SCUBE1: variants seen among roughly 807,000 people sequenced by gnomAD.
The protein encoded by SCUBE1 is signal peptide, CUB and EGF-like domain-containing protein 1.
Under a neutral mutation model 124.4 loss-of-function variants are expected in SCUBE1, and 59 were observed. The observed-to-expected ratio is 0.47, with a 90% CI of 0.38 to 0.59. SCUBE1 has a LOEUF of 0.59. SCUBE1 is among the 20% of genes least tolerant of loss of function. The pLI, the probability that SCUBE1 is intolerant of heterozygous loss-of-function variation, is 0.00. For synonymous variants in SCUBE1, 545 were observed against 550.9 expected, an observed-to-expected ratio of 0.99 and a Z score of 0.15; for missense variants, 1,150 against 1,371.2, an observed-to-expected ratio of 0.84 and a Z score of 2.55.
At chr22:43,341,228 C>T (rs1484355091) in intron 1 of SCUBE1, among the ~76,000 whole-genome samples, 1 of 151,166 alleles carries the variant, frequency 6.6e-6, no homozygotes, top group Non-Finnish European at 1.5e-5. Flanking sequence ...GACAAGGAGG[C>T]AGGAACTGGA....
chr22:43,266,962 TG>T (rs1273747309), intron 4 of SCUBE1, among the ~76,000 whole-genome samples: 1 of 152,160 alleles, frequency 6.6e-6, no homozygotes, highest in Non-Finnish European at 1.5e-5. Flanking sequence ...CAGCACAGGA[TG>T]TCTGTTTTCT....
chr22:43,212,383 G>A (rs1289826957), intron 17 of SCUBE1, 42 bp downstream of exon 17: 2 of 1,538,926 alleles, frequency 1.3e-6, no homozygotes, highest in Admixed American at 3.9e-5. Flanking sequence ...GTGCAGCCCT[G>A]CCTCTCGGGG....
intron 16 of SCUBE1, 80 bp downstream of exon 16, chr22:43,214,010 C>G (rs915511579): frequency 1.5e-6 from 2 of 1,310,902 alleles, no homozygotes; most frequent in Admixed American, 5.0e-5. Context: ...CCTGGGCCTT[C>G]GACAGGAGGG....
At chr22:43,288,463 C>A (rs1444442267) in intron 4 of SCUBE1, among the ~76,000 whole-genome samples, 1 of 152,222 alleles carries the variant, frequency 6.6e-6, no homozygotes, top group African/African-American at 2.4e-5. Flanking sequence ...CACCAGGCCC[C>A]ATGTTGTCCA....
intron 14 of SCUBE1, among the ~76,000 whole-genome samples, chr22:43,219,727 GC>G (rs570243113): frequency 7.3e-4 from 111 of 152,196 alleles, no homozygotes; most frequent in Middle Eastern, 3.4e-3. Flanking sequence ...ACCCACTTTG[GC>G]CCTCCCAGAC....
intron 4 of SCUBE1, among the ~76,000 whole-genome samples, chr22:43,274,729 G>A (rs1433175566): frequency 6.6e-6 from 1 of 152,202 alleles, no homozygotes; most frequent in East Asian, 1.9e-4. Context: ...CCCAGCCAGT[G>A]ACTCTCCACC....
intron 6 of SCUBE1, among the ~76,000 whole-genome samples, chr22:43,243,015 C>T (rs1923068514): frequency 6.6e-6 from 1 of 152,226 alleles, no homozygotes; most frequent in African/African-American, 2.4e-5. Flanking sequence ...TTGCCTTGTT[C>T]AAAAATTGCT....
In SCUBE1 at chr22:43,204,240, G is replaced by A. The variant is rs150085224; in HGVS notation, c.2815-91C>T. On this transcript the variant is annotated intron_variant, in intron 21 of 21. Coordinates refer to ENST00000360835, the MANE Select transcript of SCUBE1 (RefSeq NM_173050.5). Reference sequence around the variant, plus strand: ...AGGCTGGGGGAGGGGAGAGAGATGCGCTGGCTGGTGGGTTTCAGGACCCCA... The same window carrying A: ...AGGCTGGGGGAGGGGAGAGAGATGCACTGGCTGGTGGGTTTCAGGACCCCA... The A allele has an allele frequency of 7.8e-5, 90 of 1,150,690 alleles. No individual in the cohort carries two copies. The East Asian group carries it at 1.4e-3, about 17-fold the overall frequency. 71.3% of individuals were successfully genotyped at this position (1,150,690 alleles called of 1,614,324 possible). A position where few individuals can be genotyped will look rare whatever the true frequency, so the allele number is the denominator to read the frequency against.
intron 3 of SCUBE1, among the ~76,000 whole-genome samples, chr22:43,302,049 T>C (rs1925792965): frequency 6.6e-6 from 1 of 152,110 alleles, no homozygotes; most frequent in Admixed American, 6.5e-5. Flanking sequence ...CAGTGGGCCG[T>C]GGGTGTGTGG....
intron 3 of SCUBE1, among the ~76,000 whole-genome samples, chr22:43,319,007 C>T (rs1383906118): frequency 1.3e-5 from 2 of 152,114 alleles, no homozygotes; most frequent in Non-Finnish European, 2.9e-5. Context: ...CAAGTGTGAG[C>T]CACCACACCC....
At chr22:43,220,278 A>C (rs1194904187) in intron 14 of SCUBE1, among the ~76,000 whole-genome samples, 172 bp downstream of exon 14, 1 of 152,092 alleles carries the variant, frequency 6.6e-6, no homozygotes, top group Non-Finnish European at 1.5e-5. Flanking sequence ...GACCCCTGCC[A>C]GCTCCCTTTG....
Position 43,218,379 on chromosome 22 carries a change from G to A in SCUBE1, c.1767C>T (p.Ile589=), listed in dbSNP as rs901602724. ...QAAIKTLRKS[I]GRQQFYVQVS... ...CCTGGACATAGAACTGCTGCCGGCC[G>A]ATGGACTTGCGCAGGGTCTTGATGG... Residue 589 remains isoleucine, a synonymous_variant, in exon 15 of 22, where the codon ATC becomes ATT. Coordinates refer to ENST00000360835, the MANE Select transcript of SCUBE1 (RefSeq NM_173050.5). The A allele has an allele frequency of 1.7e-5, 28 of 1,613,382 alleles. No individual in the cohort carries two copies. The East Asian group carries it at 4.9e-4, about 28-fold the overall frequency.
chr22:43,294,229 T>C lies in SCUBE1; in HGVS notation c.350-3049A>G, dbSNP rs72619552. Among the ~76,000 whole-genome samples the C allele has an allele frequency of 4.7e-3, 720 of 152,336 alleles. 22 individuals are homozygous for C. The East Asian group carries it at 0.081, about 17-fold the overall frequency. On this transcript the variant is annotated intron_variant, in intron 3 of 21. Transcript: ENST00000360835. Reference sequence around the variant, plus strand: ...GGCCCCCGAGGAGGGGAGGAAATCATGGCTGCCAAATCTCTTGGGTGGCTT... The same window carrying C: ...GGCCCCCGAGGAGGGGAGGAAATCACGGCTGCCAAATCTCTTGGGTGGCTT...
chr22:43,320,100 A>G, intron 2 of SCUBE1, 35 bp from the exon 3 acceptor site: 1 of 1,612,250 alleles, frequency 6.2e-7, no homozygotes, highest in Non-Finnish European at 8.5e-7. Flanking sequence ...TGTCAGAAGA[A>G]GAGCCTGGTG....
rs752889015 is a variant in SCUBE1, at chr22:43,227,432, G to T, written c.1149C>A (p.Ser383Arg). Residue 383 changes from serine to arginine, a missense_variant, in exon 10 of 22, where the codon AGC (serine) becomes AGA (arginine). Ser to Arg is a moderately radical substitution (Grantham distance 110). Coordinates refer to ENST00000360835, the MANE Select transcript of SCUBE1 (RefSeq NM_173050.5). ...TCCCCGGGGGACAGACGCACTCGTAGCTGCCCTTGGTGTTGACGCAGCCCT... is the reference window on the plus strand; with the variant it reads ...TCCCCGGGGGACAGACGCACTCGTATCTGCCCTTGGTGTTGACGCAGCCCT... ...CDQGCVNTKG[S>R]YECVCPPGRR... The T allele has an allele frequency of 1.5e-5, 25 of 1,613,084 alleles. 1 individual carries two copies. In the African/African-American group the frequency reaches 3.3e-4, roughly 22 times the overall value.
At position 43,234,963 on chromosome 22, in the gene SCUBE1, C is replaced by G. The variant is rs1922698733; in HGVS notation, c.845-3088G>C. Reference sequence around the variant, plus strand: ...CCCCTCTCACCTGCTGACCCCAGCCCTGGGAAAAACGGCCCTTCCAGAAAG... The same window carrying G: ...CCCCTCTCACCTGCTGACCCCAGCCGTGGGAAAAACGGCCCTTCCAGAAAG... On this transcript the variant is annotated intron_variant, in intron 7 of 21. Coordinates refer to ENST00000360835, the MANE Select transcript of SCUBE1 (RefSeq NM_173050.5). This position sits in a 1 kb window ranked among gnomAD's most constrained non-coding sequence, Gnocchi z 4.4. 2.0e-5 allele frequency among the ~76,000 whole-genome samples: 3 copies of G among 152,182 alleles called. No homozygotes were observed. The highest frequency in any genetic ancestry group is 4.4e-5 in the Non-Finnish European group (3 of 68,030).
At chr22:43,290,932 C>A (rs192449604) in intron 4 of SCUBE1, 114 bp downstream of exon 4, 67 of 1,248,138 alleles carry the variant, frequency 5.4e-5, no homozygotes, top group Admixed American at 4.9e-4. Flanking sequence ...CAGACTACCA[C>A]CAAAATTCCC....
At chr22:43,332,908 G>A (rs1926948517) in intron 2 of SCUBE1, among the ~76,000 whole-genome samples, 1 of 152,144 alleles carries the variant, frequency 6.6e-6, no homozygotes, top group African/African-American at 2.4e-5. Context: ...CCTGTCTGGG[G>A]GACCAGAGAT....
intron 4 of SCUBE1, among the ~76,000 whole-genome samples, chr22:43,286,119 T>A (rs190235852): frequency 6.6e-5 from 10 of 152,354 alleles, no homozygotes; most frequent in Admixed American, 5.9e-4. Flanking sequence ...TCTCAGGGCC[T>A]CATTTCCTCA....
Sources: gnomAD v4.1 joint callset for allele counts (sites outside exome capture counted in the v4.1 genomes callset) on GRCh38, gnomAD v4.1.1 for gene constraint, Gnocchi (gnomAD v3.1) non-coding constraint, MANE v1.5 for transcripts, NCBI Gene and HGNC (gene_info 2026-07-23, HGNC 2026-07-21) for gene names.